The following CPNE5 variants were observed in gnomAD, a reference collection of about 807,000 sequenced individuals.
CPNE5 encodes copine 5.
A neutral mutation model predicts 81.1 loss-of-function variants in CPNE5; 42 were observed. That is an observed-to-expected ratio of 0.52 (90% confidence interval 0.40 to 0.67). CPNE5 has a LOEUF of 0.67. CPNE5 is among the 30% of genes least tolerant of loss of function. CPNE5 has a pLI of 0.00. For missense variants in CPNE5, 612 were observed against 815.5 expected (o/e 0.75, Z 3.04); for synonymous variants, 313 against 321.5 (o/e 0.97, Z 0.28).
At chr6:36,743,083 G>A in intron 20 of CPNE5, 1 of 985,360 alleles carries the variant, frequency 1.0e-6, no homozygotes. Context: ...TCCACACCTG[G>A]GATACTGGGC....
At chr6:36,780,847 C>A (rs189909056) in intron 8 of CPNE5, among the ~76,000 whole-genome samples, 58 of 152,302 alleles carry the variant, frequency 3.8e-4, no homozygotes, top group Admixed American at 1.4e-3. Flanking sequence ...TCAAAATAAT[C>A]CTTTGTTACT....
chr6:36,791,570 G>A (rs1403779605), intron 8 of CPNE5, among the ~76,000 whole-genome samples: 1 of 152,060 alleles, frequency 6.6e-6, no homozygotes, highest in Admixed American at 6.5e-5. Context: ...CAACACATGC[G>A]TACGCACAGA....
intron 4 of CPNE5, among the ~76,000 whole-genome samples, chr6:36,799,450 T>C (rs1457129142): frequency 6.6e-6 from 1 of 152,176 alleles, no homozygotes; most frequent in Non-Finnish European, 1.5e-5. Flanking sequence ...CCCAGCCTGT[T>C]TACCAAGCCT....
intron 1 of CPNE5, among the ~76,000 whole-genome samples, chr6:36,826,022 ACG>A (rs903105770): frequency 4.6e-5 from 7 of 152,170 alleles, no homozygotes; most frequent in Non-Finnish European, 1.0e-4. Flanking sequence ...CGGAAGGACA[ACG>A]CTTAACTCCT....
At chr6:36,802,178 CA>C (rs1446912108) in intron 3 of CPNE5, among the ~76,000 whole-genome samples, 1 of 123,706 alleles carries the variant, frequency 8.1e-6, no homozygotes, top group African/African-American at 3.1e-5. Flanking sequence ...AGGATTGCGC[CA>C]ATGTACTCCA....
intron 13 of CPNE5, 100 bp downstream of exon 13, chr6:36,756,145 C>T: frequency 5.6e-6 from 5 of 890,928 alleles, no homozygotes; most frequent in East Asian, 2.6e-5. Context: ...CCACGCTCAG[C>T]CCCTGCACAC....
chr6:36,764,765 G>C (rs236429), intron 11 of CPNE5, among the ~76,000 whole-genome samples: 125,696 of 151,972 alleles, frequency 0.83, 52,051 homozygotes, highest in Middle Eastern at 0.89. Context: ...CTCACGCCTC[G>C]TAGCTCTCCC....
intron 12 of CPNE5, among the ~76,000 whole-genome samples, chr6:36,756,937 G>A (rs559202164): frequency 3.3e-4 from 51 of 152,332 alleles, no homozygotes; most frequent in African/African-American, 1.1e-3. Flanking sequence ...TCAACCAGGG[G>A]CGATTTTACC....
chr6:36,767,332 C>G (rs1366107093), intron 10 of CPNE5, among the ~76,000 whole-genome samples: 2 of 152,196 alleles, frequency 1.3e-5, no homozygotes, highest in Non-Finnish European at 2.9e-5. Context: ...CAAGGCTTCC[C>G]TAGTGACTGT....
intron 3 of CPNE5, among the ~76,000 whole-genome samples, chr6:36,814,420 T>C (rs560351995): frequency 2.3e-4 from 35 of 152,200 alleles, no homozygotes; most frequent in African/African-American, 8.2e-4. Flanking sequence ...AAATCACAGA[T>C]TTAGGTTCAA....
rs941171291 is a variant in CPNE5 at position 36,764,712 on chromosome 6, G to A, written c.779+623C>T. ...GTGGGAAGCACCCTCCCAGCAGCCAGGGACAGCCCTACACAGGCACTGTCT... is the reference window on the plus strand; with the variant it reads ...GTGGGAAGCACCCTCCCAGCAGCCAAGGACAGCCCTACACAGGCACTGTCT... On this transcript the variant is annotated intron_variant, in intron 11 of 20. Coordinates refer to ENST00000244751, the MANE Select transcript of CPNE5 (RefSeq NM_020939.2). 2.6e-5 allele frequency among the ~76,000 whole-genome samples: 4 copies of A among 152,228 alleles called. No individual in the cohort carries two copies. The East Asian group carries it at 7.8e-4, about 30-fold the overall frequency.
At chr6:36,795,939 G>GTATTT (rs139886823) in intron 6 of CPNE5, among the ~76,000 whole-genome samples, 45 of 151,926 alleles carry the variant, frequency 3.0e-4, no homozygotes, top group East Asian at 1.2e-3. Context: ...GTCAACCTCT[G>GTATTT]TATTTTATTT....
At chr6:36,797,645 G>A (rs1440667702) in intron 6 of CPNE5, among the ~76,000 whole-genome samples, 2 of 152,356 alleles carry the variant, frequency 1.3e-5, no homozygotes, top group Middle Eastern at 3.4e-3. Flanking sequence ...CCCAGAGCCC[G>A]CTTCAGAGTA....
At chr6:36,812,831 T>G (rs1332065515) in intron 3 of CPNE5, among the ~76,000 whole-genome samples, 1 of 152,216 alleles carries the variant, frequency 6.6e-6, no homozygotes, top group Non-Finnish European at 1.5e-5. Context: ...CAGACTTCTC[T>G]GCAAAAAGGA....
At chr6:36,779,227 G>A (rs1043653582) in intron 8 of CPNE5, among the ~76,000 whole-genome samples, 3 of 152,202 alleles carry the variant, frequency 2.0e-5, no homozygotes, top group African/African-American at 4.8e-5. Flanking sequence ...TGACCTCTTG[G>A]AGCCTCAGTT....
At chr6:36,826,939 A>G (rs993592374) in intron 1 of CPNE5, among the ~76,000 whole-genome samples, 5 of 151,998 alleles carry the variant, frequency 3.3e-5, no homozygotes, top group African/African-American at 1.2e-4. Context: ...TGGAGATTCG[A>G]TATGTGGAGC....
chr6:36,756,125 T>C (rs1765431573), intron 13 of CPNE5, 120 bp downstream of exon 13: 2 of 610,452 alleles, frequency 3.3e-6, no homozygotes, highest in South Asian at 1.8e-5. Context: ...CTCTCTTGGA[T>C]GTCTGATTCC....
At chr6:36,824,752 GCC>G (rs1182385672) in intron 1 of CPNE5, among the ~76,000 whole-genome samples, 4 of 152,140 alleles carry the variant, frequency 2.6e-5, no homozygotes, top group African/African-American at 9.7e-5. Context: ...TTCGAGACCA[GCC>G]TGGCCAACAT....
At position 36,822,417 on chromosome 6, in the gene CPNE5, G is replaced by A. The variant is rs145339875; in HGVS notation, c.137-257C>T. On this transcript the variant is annotated intron_variant, in intron 2 of 20. Coordinates refer to ENST00000244751, the MANE Select transcript of CPNE5 (RefSeq NM_020939.2). ...AGATGCACCGATTCGGAGGGGTTGCGTTGGAGAAGGGAGACTAGGTGTGCC... is the reference window on the plus strand; with the variant it reads ...AGATGCACCGATTCGGAGGGGTTGCATTGGAGAAGGGAGACTAGGTGTGCC... Among the ~76,000 whole-genome samples the A allele has an allele frequency of 4.6e-3, 701 of 152,244 alleles. 18 individuals are homozygous for A. Among genetic ancestry groups the A allele is most frequent in the East Asian group, 3.9e-3 (20 of 5,186 alleles).
Sources: gnomAD v4.1 joint callset for allele counts (sites outside exome capture counted in the v4.1 genomes callset) on GRCh38, gnomAD v4.1.1 for gene constraint, MANE v1.5 for transcripts, NCBI Gene and HGNC (gene_info 2026-07-23, HGNC 2026-07-21) for gene names.